Variants in NUDT9 observed in about 807,000 individuals in gnomAD.
NUDT9 encodes nudix hydrolase 9, also known as ADP-ribose pyrophosphatase.
Under a neutral mutation model 41.0 loss-of-function variants are expected in NUDT9, and 31 were observed. The ratio of observed to expected loss-of-function variants is 0.76; its 90% CI spans 0.57 to 1.02. NUDT9 has a LOEUF of 1.02. NUDT9 is among the 50% of genes least tolerant of loss of function. The pLI, the probability that NUDT9 is intolerant of heterozygous loss-of-function variation, is 0.00. For synonymous variants in NUDT9, 146 were observed against 147.6 expected (o/e 0.99, Z 0.08); for missense variants, 380 against 431.4 (o/e 0.88, Z 1.06).
intron 3 of NUDT9, among the ~76,000 whole-genome samples, chr4:87,438,852 A>G (rs1390176478): frequency 6.6e-6 from 1 of 152,212 alleles, no homozygotes; most frequent in East Asian, 1.9e-4. Context: ...AAAGTGTATC[A>G]GCCTGTTCTC....
chr4:87,436,958 T>A (rs1721964585), intron 2 of NUDT9, among the ~76,000 whole-genome samples: 2 of 152,090 alleles, frequency 1.3e-5, no homozygotes, highest in Admixed American at 1.3e-4. Flanking sequence ...TTTAAAAATG[T>A]TTTTGTTGGG....
At chr4:87,449,562 T>C (rs917704113) in intron 5 of NUDT9, among the ~76,000 whole-genome samples, 1 of 152,174 alleles carries the variant, frequency 6.6e-6, no homozygotes, top group African/African-American at 2.4e-5. Context: ...GGCCCTCATC[T>C]TTAAAATAAA....
chr4:87,436,645 G>A (rs1229228129), intron 2 of NUDT9, among the ~76,000 whole-genome samples: 1 of 152,094 alleles, frequency 6.6e-6, no homozygotes, highest in Non-Finnish European at 1.5e-5. Context: ...AGAGTCCCAA[G>A]GGCATTGCAG....
chr4:87,437,265 AAAAG>A (rs1553964287), intron 2 of NUDT9, among the ~76,000 whole-genome samples: 26 of 134,724 alleles, frequency 1.9e-4, no homozygotes, highest in Admixed American at 5.3e-4. Context: ...AAAAAAAAAA[AAAAG>A]AAAGAAAGAA....
rs115461835 is a variant in NUDT9 at position 87,449,445 on chromosome 4, G to A, written c.642+192G>A. ...AGTTTAGGATAATCCAAGACTGTTA[G>A]AATCTGCGTGTAATTCTGACACCTT... is the stretch of plus-strand genomic sequence containing the variant. On this transcript the variant is annotated intron_variant, in intron 5 of 7. Transcript: ENST00000302174. Among the ~76,000 whole-genome samples the A allele has an allele frequency of 2.1e-3, 319 of 152,282 alleles. 1 individual carries two copies. Among genetic ancestry groups the A allele is most frequent in the Non-Finnish European group, 3.6e-3 (244 of 68,026 alleles).
chr4:87,427,119 C>CAA (rs1183449352), intron 1 of NUDT9, among the ~76,000 whole-genome samples: 24 of 66,266 alleles, frequency 3.6e-4, no homozygotes, highest in African/African-American at 9.2e-4. Flanking sequence ...GGCCTTGTCT[C>CAA]AAAAAAAAAA....
At chr4:87,424,034 T>C (rs1428481183) in intron 1 of NUDT9, among the ~76,000 whole-genome samples, 1 of 152,212 alleles carries the variant, frequency 6.6e-6, no homozygotes, top group Non-Finnish European at 1.5e-5. Flanking sequence ...GTATTCACAG[T>C]AGGGGTCCTA....
intron 1 of NUDT9, 38 bp from the exon 2 acceptor site, chr4:87,434,943 T>C: frequency 6.4e-7 from 1 of 1,559,836 alleles, no homozygotes. Flanking sequence ...AATATATTTT[T>C]GGTATTTATG....
rs1390630200 is a variant in NUDT9, at chr4:87,422,806, A to G, written c.-100A>G. 2.4e-6 allele frequency: 2 copies of G among 842,812 alleles called. No homozygotes were observed. Among genetic ancestry groups the G allele is most frequent in the East Asian group, 5.0e-5 (2 of 39,978 alleles). The allele number at this position is 842,812 out of a possible 1,614,324, so 52.2% of individuals were successfully genotyped here. On this transcript the variant is annotated 5_prime_UTR_variant, in exon 1 of 8. Transcript: ENST00000302174. ...CAACGGCAGACAGGTCCTAGTGCCC[A>G]TCAGATACCCGCGGCCGGGACTCGG...
chr4:87,443,351 G>A (rs140398674), intron 4 of NUDT9, among the ~76,000 whole-genome samples: 28 of 152,098 alleles, frequency 1.8e-4, no homozygotes, highest in Non-Finnish European at 8.8e-5. Flanking sequence ...ATAGTGATGC[G>A]ATGTAAGTAT....
intron 2 of NUDT9, among the ~76,000 whole-genome samples, chr4:87,437,525 G>A (rs551673650): frequency 9.9e-5 from 15 of 151,272 alleles, no homozygotes; most frequent in African/African-American, 3.4e-4. Flanking sequence ...TATTTTTTTA[G>A]TAGAGATGGG....
At chr4:87,446,320 C>T (rs1217822027) in intron 4 of NUDT9, among the ~76,000 whole-genome samples, 2 of 145,378 alleles carry the variant, frequency 1.4e-5, no homozygotes, top group East Asian at 4.1e-4. Flanking sequence ...GCTATCTCGG[C>T]TCACTGCAAC....
chr4:87,427,245 G>C (rs1721469151), intron 1 of NUDT9, among the ~76,000 whole-genome samples: 1 of 151,978 alleles, frequency 6.6e-6, no homozygotes, highest in Admixed American at 6.6e-5. Context: ...ATTTAGGTGT[G>C]ATTATGACAA....
intron 5 of NUDT9, among the ~76,000 whole-genome samples, chr4:87,450,378 CTTTT>C (rs59228872): frequency 9.8e-6 from 1 of 102,306 alleles, no homozygotes. Context: ...TTTTCTTTTT[CTTTT>C]TTTTTTTTTT....
intron 5 of NUDT9, among the ~76,000 whole-genome samples, chr4:87,450,378 CTT>C (rs59228872): frequency 0.018 from 1,846 of 102,276 alleles, 22 homozygotes; most frequent in African/African-American, 0.061. Context: ...TTTTCTTTTT[CTT>C]TTTTTTTTTT....
chr4:87,457,589 A>G (rs1723043281), intron 7 of NUDT9, among the ~76,000 whole-genome samples: 1 of 152,272 alleles, frequency 6.6e-6, no homozygotes, highest in Admixed American at 6.5e-5. Flanking sequence ...TTTAAGGATA[A>G]TCTTTTTAGA....
intron 1 of NUDT9, among the ~76,000 whole-genome samples, chr4:87,424,553 C>T (rs1342613634): frequency 6.6e-6 from 1 of 152,154 alleles, no homozygotes; most frequent in African/African-American, 2.4e-5. Flanking sequence ...TGAGCCACCG[C>T]GCCCGGCCTT....
chr4:87,454,236 A>G (rs774482362), intron 6 of NUDT9, 135 bp from the exon 7 acceptor site: 18 of 550,734 alleles, frequency 3.3e-5, no homozygotes, highest in Non-Finnish European at 5.6e-5. Context: ...TTGAAGGTAC[A>G]GCTCAGTAGC....
intron 5 of NUDT9, 118 bp downstream of exon 5, chr4:87,449,371 G>A (rs1391183222): frequency 6.3e-6 from 4 of 629,984 alleles, no homozygotes; most frequent in African/African-American, 1.9e-5. Flanking sequence ...ACTTCATTTA[G>A]TAATTCTTAT....
Sources: gnomAD v4.1 joint callset for allele counts (sites outside exome capture counted in the v4.1 genomes callset) on GRCh38, gnomAD v4.1.1 for gene constraint, MANE v1.5 for transcripts, NCBI Gene and HGNC (gene_info 2026-07-23, HGNC 2026-07-21) for gene names.